DCAF5: variants seen among roughly 807,000 people sequenced by gnomAD.
DCAF5 encodes the protein DDB1 and CUL4 associated factor 5.
Under a neutral mutation model 80.7 loss-of-function variants are expected in DCAF5, and 9 were observed. The observed-to-expected ratio is 0.11, with a 90% CI of 0.07 to 0.19. The LOEUF (loss-of-function observed/expected upper bound fraction) is 0.19, where lower values mean the gene tolerates loss of function less well. DCAF5 is among the 10% of genes least tolerant of loss of function. The probability of loss-of-function intolerance (pLI) is 1.00; values close to 1 mark genes in which losing one functional copy is unlikely to be tolerated. For missense variants in DCAF5, 842 were observed against 1,205.7 expected, an observed-to-expected ratio of 0.70 and a Z score of 4.47; for synonymous variants, 433 against 461.9, an observed-to-expected ratio of 0.94 and a Z score of 0.80.
Position 69,133,556 on chromosome 14 carries a change from G to C in DCAF5, c.215-11196C>G, listed in dbSNP as rs563629410. ...GAAACCAGTAGGCAGGGAAGAGGCG[G>C]GGGTACAGGCAGGTCTGGAGAGATA... On this transcript the variant is annotated intron_variant, in intron 1 of 8. Transcript: ENST00000341516. Among the ~76,000 whole-genome samples the C allele has an allele frequency of 1.4e-3, 214 of 152,200 alleles. 5 individuals are homozygous for C. In the South Asian group the frequency reaches 0.028, roughly 20 times the overall value.
intron 6 of DCAF5, among the ~76,000 whole-genome samples, chr14:69,078,627 A>G (rs1040738787): frequency 3.9e-5 from 6 of 152,238 alleles, no homozygotes; most frequent in African/African-American, 1.4e-4. Context: ...AACTCTGAGG[A>G]CATCACATCA....
chr14:69,069,786 T>TA lies in DCAF5; in HGVS notation c.946+5558dup, dbSNP rs565308781. Among the ~76,000 whole-genome samples the TA allele has an allele frequency of 5.8e-3, 873 of 151,286 alleles. 2 individuals are homozygous for TA. Among genetic ancestry groups the TA allele is most frequent in the Non-Finnish European group, 7.7e-3 (522 of 67,760 alleles). ...CATTGTGCCTAGCAGCAGTTAGTTT[T>TA]AAAAAAAAAGTTTGTGAAGACAGGT... On this transcript the variant is annotated intron_variant, in intron 7 of 8. Transcript: ENST00000341516.
intron 5 of DCAF5, among the ~76,000 whole-genome samples, chr14:69,113,248 T>C (rs1160586951): frequency 6.6e-6 from 1 of 152,142 alleles, no homozygotes; most frequent in African/African-American, 2.4e-5. Flanking sequence ...AGATTATCTG[T>C]TTCTAGGACA....
intron 5 of DCAF5, among the ~76,000 whole-genome samples, chr14:69,105,473 T>C (rs1165244434): frequency 6.6e-6 from 1 of 152,088 alleles, no homozygotes; most frequent in African/African-American, 2.4e-5. Context: ...TGCTGAAGCA[T>C]TGTTGCTGTG....
chr14:69,084,112 T>C (rs1360464732), intron 6 of DCAF5: 1 of 819,824 alleles, frequency 1.2e-6, no homozygotes, highest in Non-Finnish European at 2.2e-6. Context: ...TTAAGTTAAA[T>C]TTCATGCCCA....
intron 1 of DCAF5, among the ~76,000 whole-genome samples, chr14:69,126,754 G>C (rs930776188): frequency 1.3e-5 from 2 of 152,080 alleles, no homozygotes; most frequent in African/African-American, 4.8e-5. Flanking sequence ...ACAGACCCAC[G>C]TAAGTATAAT....
chr14:69,149,560 G>GA (rs2041641904), intron 1 of DCAF5: 1 of 152,150 alleles, frequency 6.6e-6, no homozygotes, highest in African/African-American at 2.4e-5. Flanking sequence ...CCAGCCACAG[G>GA]AATCATGCAA....
rs751152104 is a variant in DCAF5 at position 69,122,281 on chromosome 14, T to C, written c.294A>G (p.Gly98=). ...HSRVKPIQLK[G]EHHSNIFCLA... ...GGCAAAAAATGTTGGAATGGTGCTC[T>C]CCTTTCAGCTGTATGGGCTTGACCC... Residue 98 remains glycine, a synonymous_variant, in exon 2 of 9, where the codon GGA becomes GGG. Transcript: ENST00000341516. 1.5e-5 allele frequency: 25 copies of C among 1,614,090 alleles called. No homozygotes were observed. The South Asian group carries it at 2.6e-4, about 17-fold the overall frequency.
Position 69,104,730 on chromosome 14 carries a change from G to A in DCAF5, c.665+11636C>T, listed in dbSNP as rs536943855. Among the ~76,000 whole-genome samples, 14 of 152,066 alleles carry A rather than the reference G, an allele frequency of 9.2e-5. No individual in the cohort carries two copies. In the East Asian group the frequency reaches 1.4e-3, roughly 15 times the overall value. ...AAATTAGCCGAGTGTAGCAGCGGGCGCCTGTAATCCCAGCTACTCAGGAGG... is the reference window on the plus strand; with the variant it reads ...AAATTAGCCGAGTGTAGCAGCGGGCACCTGTAATCCCAGCTACTCAGGAGG... On this transcript the variant is annotated intron_variant, in intron 5 of 8. Transcript: ENST00000341516.
chr14:69,141,761 C>G (rs2041382139), intron 1 of DCAF5, among the ~76,000 whole-genome samples: 1 of 152,174 alleles, frequency 6.6e-6, no homozygotes, highest in African/African-American at 2.4e-5. Flanking sequence ...GAAGCCCCAG[C>G]AGAGGCAGAA....
At chr14:69,139,731 G>A (rs2041304531) in intron 1 of DCAF5, among the ~76,000 whole-genome samples, 1 of 151,652 alleles carries the variant, frequency 6.6e-6, no homozygotes, top group Admixed American at 6.6e-5. Context: ...CAGGGGAATG[G>A]CTTGAACCCA....
At chr14:69,100,689 A>G (rs1304022492) in intron 5 of DCAF5, among the ~76,000 whole-genome samples, 1 of 152,238 alleles carries the variant, frequency 6.6e-6, no homozygotes, top group Non-Finnish European at 1.5e-5. Flanking sequence ...AAGTTAAGTG[A>G]TCAGAATAGA....
chr14:69,117,364 C>T (rs1012649357), intron 4 of DCAF5, among the ~76,000 whole-genome samples: 2 of 152,196 alleles, frequency 1.3e-5, no homozygotes. Context: ...AAATAATGAG[C>T]ACAGCCCAGA....
Position 69,128,437 on chromosome 14 carries a change from T to C in DCAF5, c.215-6077A>G, listed in dbSNP as rs955547665. 2.6e-5 allele frequency among the ~76,000 whole-genome samples: 4 copies of C among 152,298 alleles called. 1 individual carries two copies. ...CTGACTTCAAGTGATCTGCCCGCCT[T>C]GGCCTCCCAAAGTGCTGGGATTACA... On this transcript the variant is annotated intron_variant, in intron 1 of 8. Transcript: ENST00000341516.
intron 6 of DCAF5, among the ~76,000 whole-genome samples, chr14:69,081,912 T>C (rs1024840949): frequency 2.6e-5 from 4 of 152,320 alleles, no homozygotes; most frequent in South Asian, 2.1e-4. Flanking sequence ...TCCATAGTAA[T>C]TGATTAATGA....
chr14:69,119,168 C>T, intron 3 of DCAF5, 26 bp downstream of exon 3: 3 of 1,609,660 alleles, frequency 1.9e-6, no homozygotes, highest in East Asian at 2.2e-5. Context: ...AAGTCAATCA[C>T]CTTCACACAC....
At position 69,053,504 on chromosome 14, in the gene DCAF5, A is replaced by C. The variant is rs778712277; in HGVS notation, c.*353T>G. 1.0e-5 allele frequency: 2 copies of C among 198,474 alleles called. No individual in the cohort carries two copies. The highest frequency in any genetic ancestry group is 2.1e-5 in the Non-Finnish European group (2 of 97,254). The allele number at this position is 198,474 out of a possible 1,614,324, so 12.3% of individuals were successfully genotyped here. A position where few individuals can be genotyped will look rare whatever the true frequency, so the allele number is the denominator to read the frequency against. On this transcript the variant is annotated 3_prime_UTR_variant, in exon 9 of 9. Transcript: ENST00000341516. The stretch of plus-strand genomic sequence containing the variant: ...GGAGAACTAAAAGGAAGGTCTTATG[A>C]GACAATAAGCGCACACGTGCCATTG...
intron 5 of DCAF5, among the ~76,000 whole-genome samples, chr14:69,104,426 A>G (rs1216177787): frequency 6.6e-6 from 1 of 152,186 alleles, no homozygotes. Flanking sequence ...TAGATCTAAT[A>G]CCAATTCATG....
chr14:69,075,439 C>T, intron 6 of DCAF5, 28 bp from the exon 7 acceptor site: 1 of 1,347,890 alleles, frequency 7.4e-7, no homozygotes, highest in Non-Finnish European at 1.0e-6. Flanking sequence ...ATATAGATAA[C>T]ATTATATATT....
Sources: gnomAD v4.1 joint callset for allele counts (sites outside exome capture counted in the v4.1 genomes callset) on GRCh38, gnomAD v4.1.1 for gene constraint, MANE v1.5 for transcripts, NCBI Gene and HGNC (gene_info 2026-07-23, HGNC 2026-07-21) for gene names.